UPP1: variants seen among roughly 807,000 people sequenced by gnomAD.
The protein encoded by UPP1 is uridine phosphorylase 1.
UPP1 carries 25 observed loss-of-function variants against 29.6 expected under a neutral mutation model. The observed-to-expected ratio is 0.85, with a 90% CI of 0.62 to 1.18. UPP1 has a LOEUF of 1.18. UPP1 is among the 50% of genes most tolerant of loss of function. The pLI is 0.00. For missense variants in UPP1, 368 were observed against 410.4 expected, an observed-to-expected ratio of 0.90 and a Z score of 0.89; for synonymous variants, 165 against 159.8, an observed-to-expected ratio of 1.03 and a Z score of -0.25.
Position 48,108,598 on chromosome 7 carries a change from A to C in UPP1, c.*241A>C. On this transcript the variant is annotated 3_prime_UTR_variant, in exon 9 of 9. Transcript: ENST00000395564. ...GGGTTTCTTCAAGAACATTCTACCA[A>C]ATTTTTGTACTATTTCTAGGGAAAT... 2.6e-6 allele frequency: 1 copy of C among 392,096 alleles called. No homozygotes were observed. 24.3% of individuals were successfully genotyped at this position (392,096 alleles called of 1,614,324 possible). A position where few individuals can be genotyped will look rare whatever the true frequency, so the allele number is the denominator to read the frequency against.
intron 4 of UPP1, 52 bp from the exon 5 acceptor site, chr7:48,101,772 G>T (rs1468273434): frequency 1.9e-6 from 3 of 1,565,414 alleles, no homozygotes; most frequent in Admixed American, 1.9e-5. Context: ...CCCACTTGAG[G>T]ACCTCTGCTA....
chr7:48,097,702 T>C (rs1472939347), intron 3 of UPP1, among the ~76,000 whole-genome samples: 1 of 152,208 alleles, frequency 6.6e-6, no homozygotes, highest in African/African-American at 2.4e-5. Context: ...CTCTTAGCCC[T>C]TCTATGTTGT....
rs1248574098 is a variant in UPP1, at chr7:48,101,942, G to A, written c.281G>A (p.Arg94His). The stretch of plus-strand genomic sequence containing the variant: ...CCCAACATCTGTGCGGGAACTGACC[G>A]CTATGCCATGTATAAAGTAGGACCG... ...DYPNICAGTDRYAMYKVGPVL... is the reference protein window; with the variant it reads ...DYPNICAGTDHYAMYKVGPVL... The change falls in exon 5 of 9, where the codon CGC becomes CAC. Residue 94 changes from arginine to histidine, a missense_variant. Physicochemically the swap from Arg to His is conservative, Grantham distance 29 (BLOSUM62 0). Coordinates refer to ENST00000395564, the MANE Select transcript of UPP1 (RefSeq NM_003364.4). 10 of 1,613,946 alleles carry A rather than the reference G, an allele frequency of 6.2e-6. No individual in the cohort carries two copies. The highest frequency in any genetic ancestry group is 2.7e-5 in the African/African-American group (2 of 74,998).
chr7:48,107,135 C>G, intron 7 of UPP1, 53 bp downstream of exon 7: 1 of 1,588,614 alleles, frequency 6.3e-7, no homozygotes, highest in Non-Finnish European at 8.6e-7. Flanking sequence ...CCTGGTCCGT[C>G]CCCTGAGCCT....
At chr7:48,094,453 C>T (rs1484231518) in intron 2 of UPP1, among the ~76,000 whole-genome samples, 1 of 152,044 alleles carries the variant, frequency 6.6e-6, no homozygotes, top group Non-Finnish European at 1.5e-5. Context: ...TGATCTCCAC[C>T]CACCTTGGCC....
intron 6 of UPP1, chr7:48,106,659 T>A (rs1025960136): frequency 1.5e-5 from 8 of 543,690 alleles, no homozygotes; most frequent in Non-Finnish European, 2.6e-5. Context: ...TCCATAATGA[T>A]CATGCATTAA....
rs1446440249 is a variant in UPP1 at position 48,107,235 on chromosome 7, G to A, written c.647-126G>A. On this transcript the variant is annotated intron_variant, in intron 7 of 8. Coordinates refer to ENST00000395564, the MANE Select transcript of UPP1 (RefSeq NM_003364.4). Reference sequence around the variant, plus strand: ...AGTGGTTATAATGACCCGTTTGAGTGGTCATTATAGGCAGGACCTGGATGG... The same window carrying A: ...AGTGGTTATAATGACCCGTTTGAGTAGTCATTATAGGCAGGACCTGGATGG... The A allele has an allele frequency of 1.6e-5, 22 of 1,406,480 alleles. No individual in the cohort carries two copies. In the East Asian group the frequency reaches 4.5e-4, roughly 29 times the overall value. 87.1% of individuals were successfully genotyped at this position (1,406,480 alleles called of 1,614,324 possible).
At chr7:48,105,210 A>T (rs568657309) in intron 6 of UPP1, 1 of 152,518 alleles carries the variant, frequency 6.6e-6, no homozygotes, top group African/African-American at 2.4e-5. Flanking sequence ...AATGTGAGTG[A>T]TGCTGGAATT....
Position 48,106,845 on chromosome 7 carries a change from A to G in UPP1, c.437-28A>G, listed in dbSNP as rs200282252. ...AATTTTATTTTGTTTTACACCCTGC[A>G]TATCTTGATGTCTGCTTTTTTCCTC... On this transcript the variant is annotated intron_variant, in intron 6 of 8. Transcript: ENST00000395564. The G allele has an allele frequency of 7.4e-6, 12 of 1,611,170 alleles. No individual in the cohort carries two copies. In the East Asian group the frequency reaches 1.1e-4, roughly 15 times the overall value.
intron 3 of UPP1, among the ~76,000 whole-genome samples, chr7:48,098,986 C>T (rs886476548): frequency 4.6e-5 from 7 of 152,284 alleles, no homozygotes; most frequent in South Asian, 2.1e-4. Context: ...CACATGTCTA[C>T]GGTGGACTTG....
intron 2 of UPP1, among the ~76,000 whole-genome samples, chr7:48,091,343 A>T (rs1791822611): frequency 6.7e-6 from 1 of 149,084 alleles, no homozygotes; most frequent in African/African-American, 2.5e-5. Flanking sequence ...AGAGAGCCCC[A>T]GGTGATCACC....
chr7:48,101,194 TGTGCCCAG>T (rs1440592022), intron 4 of UPP1, among the ~76,000 whole-genome samples: 7 of 152,188 alleles, frequency 4.6e-5, no homozygotes, highest in Non-Finnish European at 1.0e-4. Flanking sequence ...TGTGAGCCAC[TGTGCCCAG>T]CCATCTTCAA....
intron 5 of UPP1, 104 bp from the exon 6 acceptor site, chr7:48,103,193 T>A: frequency 5.0e-6 from 4 of 800,594 alleles, no homozygotes; most frequent in Non-Finnish European, 8.5e-6. Context: ...TTCATCACTA[T>A]GTCAATGGGC....
rs1289363436 is a variant in UPP1 at position 48,089,280 on chromosome 7, CG to C, written c.-336del. 2 of 152,294 alleles carry C rather than the reference CG, an allele frequency of 1.3e-5. No homozygotes were observed. Among genetic ancestry groups the C allele is most frequent in the Non-Finnish European group, 2.9e-5 (2 of 68,152 alleles). 9.4% of individuals were successfully genotyped at this position (152,294 alleles called of 1,614,324 possible). On this transcript the variant is annotated 5_prime_UTR_variant, in exon 1 of 9. Coordinates refer to ENST00000395564, the MANE Select transcript of UPP1 (RefSeq NM_003364.4). ...TGGTTCCCTCATTCGAGTGCTCCGG[CG>C]CACAGACCCGCGCCCCGCCGTCTGC...
chr7:48,094,833 G>T lies in UPP1; in HGVS notation c.44+6G>T, dbSNP rs1317849130. The T allele has an allele frequency of 6.2e-7, 1 of 1,614,002 alleles. No individual in the cohort carries two copies. Among genetic ancestry groups the T allele is most frequent in the Admixed American group, 1.7e-5 (1 of 60,000 alleles). ...GAGAAAGCTGAAAGTCACAAGTAAG[G>T]CTCCATTTCATTCCAGGTTGGGTTG... On this transcript the variant is annotated splice_donor_region_variant and intron_variant, in intron 3 of 8. Coordinates refer to ENST00000395564, the MANE Select transcript of UPP1 (RefSeq NM_003364.4).
intron 5 of UPP1, 92 bp downstream of exon 5, chr7:48,102,074 C>T: frequency 7.2e-7 from 1 of 1,391,116 alleles, no homozygotes; most frequent in East Asian, 2.4e-5. Context: ...GGTCCCCTAA[C>T]ACCTGCTTAC....
intron 2 of UPP1, among the ~76,000 whole-genome samples, chr7:48,091,089 G>C (rs537507833): frequency 1.3e-5 from 2 of 152,136 alleles, no homozygotes; most frequent in South Asian, 4.2e-4. Context: ...AAACTTCTAG[G>C]TTTTCCTCTT....
Position 48,107,369 on chromosome 7 carries a change from C to T in UPP1, c.655C>T (p.Arg219Cys), listed in dbSNP as rs138110445. The change falls in exon 8 of 9, where the codon CGT becomes TGT. Residue 219 changes from arginine to cysteine, a missense_variant. Transcript: ENST00000395564. ...CTCCATGTGTGCCTCAGGGCAAGGCCGTCTGGATGGGGCTCTCTGCTCCTA... is the reference window on the plus strand; with the variant it reads ...CTCCATGTGTGCCTCAGGGCAAGGCTGTCTGGATGGGGCTCTCTGCTCCTA... ...CTLDFYEGQGRLDGALCSYTE... is the reference protein window; with the variant it reads ...CTLDFYEGQGCLDGALCSYTE... 6.8e-6 allele frequency: 11 copies of T among 1,612,038 alleles called. No individual in the cohort carries two copies. The East Asian group carries it at 8.9e-5, about 13-fold the overall frequency.
At chr7:48,089,571 G>C (rs1156347823) in intron 1 of UPP1, 153 bp downstream of exon 1, 1 of 153,658 alleles carries the variant, frequency 6.5e-6, no homozygotes, top group Non-Finnish European at 1.4e-5. Context: ...AGAGCGGCCC[G>C]GCGCGGCTGC....
Sources: allele counts gnomAD v4.1 joint callset (sites outside exome capture counted in the v4.1 genomes callset), GRCh38; gene constraint gnomAD v4.1.1; transcripts MANE v1.5; gene names NCBI Gene and HGNC (gene_info 2026-07-23, HGNC 2026-07-21).